The following CERKL variants were observed in gnomAD, a reference collection of about 807,000 sequenced individuals.
The protein encoded by CERKL is CERK like autophagy regulator.
A neutral mutation model predicts 63.4 loss-of-function variants in CERKL; 61 were observed. The ratio of observed to expected loss-of-function variants is 0.96; its 90% CI spans 0.78 to 1.19. CERKL has a LOEUF of 1.19. Ranked by LOEUF, CERKL falls within the 50% of genes most tolerant of loss-of-function variation. CERKL has a pLI of 0.00. For missense variants in CERKL, 675 were observed against 655.5 expected, an observed-to-expected ratio of 1.03 and a Z score of -0.33; for synonymous variants, 250 against 230.5, an observed-to-expected ratio of 1.08 and a Z score of -0.77.
chr2:181,626,231 G>A (rs186699080), intron 1 of CERKL, among the ~76,000 whole-genome samples: 22 of 152,128 alleles, frequency 1.4e-4, no homozygotes, highest in Admixed American at 3.3e-4. Flanking sequence ...TTTTTTTGAT[G>A]GATCTCTGAA....
intron 4 of CERKL, among the ~76,000 whole-genome samples, chr2:181,561,697 G>C (rs988281697): frequency 3.9e-5 from 6 of 152,136 alleles, no homozygotes; most frequent in Non-Finnish European, 2.9e-5. Context: ...TTTAAGGTCT[G>C]ATAAGAGATA....
chr2:181,630,037 T>C (rs896900852), intron 1 of CERKL, among the ~76,000 whole-genome samples: 5 of 151,844 alleles, frequency 3.3e-5, no homozygotes, highest in African/African-American at 9.7e-5. Context: ...AAACCCACTT[T>C]TTTTTTTCTT....
At chr2:181,563,948 T>C (rs1688553953) in intron 4 of CERKL, among the ~76,000 whole-genome samples, 1 of 152,042 alleles carries the variant, frequency 6.6e-6, no homozygotes, top group African/African-American at 2.4e-5. Flanking sequence ...CCAAGGACTT[T>C]TTTGTGGGAA....
At chr2:181,561,524 G>A (rs1211758184) in intron 4 of CERKL, among the ~76,000 whole-genome samples, 2 of 151,962 alleles carry the variant, frequency 1.3e-5, no homozygotes, top group African/African-American at 4.8e-5. Context: ...AGGCCCTAGA[G>A]GAAATCAAAG....
At chr2:181,624,150 T>C (rs932308584) in intron 1 of CERKL, among the ~76,000 whole-genome samples, 10 of 152,248 alleles carry the variant, frequency 6.6e-5, no homozygotes, top group Middle Eastern at 3.4e-3. Context: ...AAGTAGCCCA[T>C]GTAGGGTAAT....
chr2:181,588,552 T>A (rs947471221), intron 2 of CERKL, among the ~76,000 whole-genome samples: 1 of 152,164 alleles, frequency 6.6e-6, no homozygotes, highest in African/African-American at 2.4e-5. Flanking sequence ...AATGCTGCAA[T>A]AATCACTAAA....
chr2:181,643,947 T>C (rs950079663), intron 1 of CERKL, among the ~76,000 whole-genome samples: 15 of 152,230 alleles, frequency 9.9e-5, no homozygotes, highest in Middle Eastern at 3.2e-3. Flanking sequence ...ATCGAACATT[T>C]CAAATAAAAG....
At chr2:181,574,975 G>A in intron 2 of CERKL, among the ~76,000 whole-genome samples, 1 of 152,130 alleles carries the variant, frequency 6.6e-6, no homozygotes, top group Admixed American at 6.6e-5. Flanking sequence ...ACTGCCTAGG[G>A]CCCTTTTTGG....
In CERKL at chr2:181,537,925, G is replaced by GCAT; in HGVS notation, c.*256_*258dup. On this transcript the variant is annotated 3_prime_UTR_variant, in exon 13 of 13. Transcript: ENST00000410087. ...TCCTCCCCCTGTCAGATCAGCAGCAGCATTAGATTCTCATAGAAGTGCGAA... is the reference window on the plus strand; with the variant it reads ...TCCTCCCCCTGTCAGATCAGCAGCAGCATCATTAGATTCTCATAGAAGTGCGAA... 1.7e-6 allele frequency: 1 copy of GCAT among 592,460 alleles called. No homozygotes were observed. The highest frequency in any genetic ancestry group is 1.5e-5 in the South Asian group (1 of 65,664). 36.7% of individuals were successfully genotyped at this position (592,460 alleles called of 1,614,324 possible). A position where few individuals can be genotyped will look rare whatever the true frequency, so the allele number is the denominator to read the frequency against.
intron 1 of CERKL, among the ~76,000 whole-genome samples, chr2:181,613,304 T>C (rs1279374128): frequency 6.6e-6 from 1 of 152,206 alleles, no homozygotes; most frequent in African/African-American, 2.4e-5. Flanking sequence ...CAGTTCTGCC[T>C]GCAGTCCTTA....
At chr2:181,626,016 T>C (rs1686686787) in intron 1 of CERKL, among the ~76,000 whole-genome samples, 2 of 152,118 alleles carry the variant, frequency 1.3e-5, no homozygotes, top group Admixed American at 6.6e-5. Context: ...GCCATTATTA[T>C]GATCCCATTT....
chr2:181,548,887 G>A (rs776113557), intron 6 of CERKL, 30 bp from the exon 7 acceptor site: 9 of 1,586,782 alleles, frequency 5.7e-6, no homozygotes, highest in Non-Finnish European at 6.1e-6. Context: ...ATTAATCAGT[G>A]AGTACAGTAG....
intron 2 of CERKL, among the ~76,000 whole-genome samples, chr2:181,601,652 T>C (rs1490814717): frequency 1.3e-5 from 2 of 152,230 alleles, no homozygotes; most frequent in Non-Finnish European, 2.9e-5. Flanking sequence ...CATTTGTGTC[T>C]GATGAAGATA....
intron 5 of CERKL, among the ~76,000 whole-genome samples, chr2:181,555,576 C>G (rs1256994935): frequency 6.6e-6 from 1 of 151,986 alleles, no homozygotes; most frequent in South Asian, 2.1e-4. Context: ...ATCAACAATA[C>G]TAAGTATTCT....
At chr2:181,571,274 T>G (rs900019251) in intron 3 of CERKL, among the ~76,000 whole-genome samples, 1 of 152,166 alleles carries the variant, frequency 6.6e-6, no homozygotes, top group African/African-American at 2.4e-5. Flanking sequence ...AGGCAGCTAA[T>G]AATTAGCCAT....
At chr2:181,630,477 G>C (rs1686909545) in intron 1 of CERKL, among the ~76,000 whole-genome samples, 2 of 152,186 alleles carry the variant, frequency 1.3e-5, no homozygotes, top group Admixed American at 6.5e-5. Context: ...TTTAGAGACA[G>C]GGCCTTAAAT....
intron 5 of CERKL, among the ~76,000 whole-genome samples, chr2:181,555,905 ACCATGC>A (rs1372592360): frequency 6.6e-6 from 1 of 151,942 alleles, no homozygotes; most frequent in Non-Finnish European, 1.5e-5. Flanking sequence ...GGCGCACACC[ACCATGC>A]CCAGCTCATT....
intron 1 of CERKL, among the ~76,000 whole-genome samples, chr2:181,638,378 G>T (rs1489802969): frequency 6.6e-6 from 1 of 152,144 alleles, no homozygotes; most frequent in East Asian, 1.9e-4. Context: ...TGCCATTCCA[G>T]AAAGCAGGGA....
At position 181,558,476 on chromosome 2, in the gene CERKL, T is replaced by G. The variant is rs1281050600; in HGVS notation, c.820+90A>C. The stretch of plus-strand genomic sequence containing the variant: ...GTCTGGATCTTTCAAAGTCTGTTCA[T>G]TAATTCTGTGTTGTGCTGTCTAGAT... On this transcript the variant is annotated intron_variant, in intron 5 of 12. Transcript: ENST00000410087. This position sits in a 1 kb window ranked among gnomAD's most constrained non-coding sequence, Gnocchi z 4.2. The G allele has an allele frequency of 2.1e-6, 3 of 1,400,902 alleles. No homozygotes were observed. Among genetic ancestry groups the G allele is most frequent in the African/African-American group, 2.8e-5 (2 of 70,742 alleles). The allele number at this position is 1,400,902 out of a possible 1,614,324, so 86.8% of individuals were successfully genotyped here.
Sources: gnomAD v4.1 joint callset for allele counts (sites outside exome capture counted in the v4.1 genomes callset) on GRCh38, gnomAD v4.1.1 for gene constraint, Gnocchi (gnomAD v3.1) non-coding constraint, MANE v1.5 for transcripts, NCBI Gene and HGNC (gene_info 2026-07-23, HGNC 2026-07-21) for gene names.